Variants in CASP6 observed in about 807,000 individuals in gnomAD.
CASP6 encodes caspase-6.
CASP6 carries 20 observed loss-of-function variants against 31.8 expected under a neutral mutation model. The ratio of observed to expected loss-of-function variants is 0.63; its 90% CI spans 0.44 to 0.91. The LOEUF is 0.91. Among genes scored for constraint, CASP6 ranks in the 40% least tolerant of loss-of-function variants. CASP6 has a pLI of 0.00. For missense variants in CASP6, 328 were observed against 361.1 expected, an observed-to-expected ratio of 0.91 and a Z score of 0.74; for synonymous variants, 130 against 127.8, an observed-to-expected ratio of 1.02 and a Z score of -0.12.
chr4:109,698,211 C>G (rs1473356989), intron 2 of CASP6, 89 bp downstream of exon 2: 1 of 1,392,326 alleles, frequency 7.2e-7, no homozygotes, highest in African/African-American at 1.5e-5. Context: ...TACTTCCTAG[C>G]TCCCAGGACC....
At chr4:109,695,850 A>T (rs1192728082) in intron 4 of CASP6, among the ~76,000 whole-genome samples, 22 of 152,202 alleles carry the variant, frequency 1.4e-4, no homozygotes, top group Admixed American at 1.4e-3. Context: ...AAAGTAGAAA[A>T]GCTGGTAAAA....
At chr4:109,684,394 T>G, downstream of CASP6, 1 of 1,443,330 alleles carries the variant, frequency 6.9e-7, no homozygotes, top group South Asian at 1.3e-5. Context: ...TTTGTCCCTT[T>G]AGTTGGTGTA....
chr4:109,691,813 T>C (rs758715498), intron 5 of CASP6, among the ~76,000 whole-genome samples: 56 of 152,014 alleles, frequency 3.7e-4, no homozygotes, highest in Admixed American at 3.5e-3. Flanking sequence ...TAAGAAGAAA[T>C]TGGGACACAG....
upstream of CASP6, among the ~76,000 whole-genome samples, chr4:109,707,185 A>T (rs1224141101): frequency 6.6e-6 from 1 of 152,294 alleles, no homozygotes; most frequent in Non-Finnish European, 1.5e-5. Flanking sequence ...GAAACCAGAA[A>T]ATTTGTGTGA....
chr4:109,709,740 G>T, the CASP6 span, among the ~76,000 whole-genome samples: 1 of 152,156 alleles, frequency 6.6e-6, no homozygotes, highest in Non-Finnish European at 1.5e-5. Context: ...TAAGTTCAGA[G>T]ATAATTCTAC....
the CASP6 span, among the ~76,000 whole-genome samples, chr4:109,677,036 C>T: frequency 6.6e-6 from 1 of 152,206 alleles, no homozygotes; most frequent in Non-Finnish European, 1.5e-5. Flanking sequence ...TGGGCTGAGC[C>T]CAGCAAAGCC....
upstream of CASP6, among the ~76,000 whole-genome samples, chr4:109,706,821 T>C (rs1412890266): frequency 1.3e-5 from 2 of 152,122 alleles, no homozygotes; most frequent in Non-Finnish European, 1.5e-5. Context: ...GGCACAAGAA[T>C]CACTTGAACC....
chr4:109,685,256 T>C, downstream of CASP6: 1 of 1,310,676 alleles, frequency 7.6e-7, no homozygotes, highest in Non-Finnish European at 1.1e-6. Flanking sequence ...TTAAGGATTA[T>C]ACTTACTCAG....
chr4:109,679,965 C>G, the CASP6 span, among the ~76,000 whole-genome samples: 2 of 152,098 alleles, frequency 1.3e-5, no homozygotes, highest in Non-Finnish European at 2.9e-5. Flanking sequence ...CCATGCCCAG[C>G]TGATTTTTGT....
At chr4:109,664,480 A>G in the CASP6 span, 2 of 619,450 alleles carry the variant, frequency 3.2e-6, no homozygotes, top group Non-Finnish European at 5.7e-6. Context: ...GCTGGAGTAC[A>G]GTGACGTCGT....
the CASP6 span, among the ~76,000 whole-genome samples, chr4:109,670,609 G>A: frequency 6.6e-6 from 1 of 151,848 alleles, no homozygotes; most frequent in Non-Finnish European, 1.5e-5. Flanking sequence ...ACAGGTACTC[G>A]GGAGGCTGAG....
In CASP6 at chr4:109,688,704, T is replaced by G. The variant is rs967523291; in HGVS notation, c.*626A>C. The G allele has an allele frequency of 6.6e-6, 1 of 152,132 alleles. No homozygotes were observed. 9.4% of individuals were successfully genotyped at this position (152,132 alleles called of 1,614,324 possible). A position where few individuals can be genotyped will look rare whatever the true frequency, so the allele number is the denominator to read the frequency against. On this transcript the variant is annotated 3_prime_UTR_variant, in exon 7 of 7. Coordinates refer to ENST00000265164, the MANE Select transcript of CASP6 (RefSeq NM_001226.4). ...CCTTTAAAAACATCAAACAATAAAC[T>G]TTTATAAAAAAGTGACAAAATACAA...
chr4:109,707,774 A>C (rs1730649537), upstream of CASP6, among the ~76,000 whole-genome samples: 1 of 152,186 alleles, frequency 6.6e-6, no homozygotes, highest in Non-Finnish European at 1.5e-5. Context: ...GGGTCTCTAG[A>C]TAATGGTGTT....
At chr4:109,697,502 A>AC (rs1730282411) in intron 3 of CASP6, 120 bp downstream of exon 3, 1 of 1,131,386 alleles carries the variant, frequency 8.8e-7, no homozygotes, top group Non-Finnish European at 1.2e-6. Context: ...CCTTGCCTTA[A>AC]GTGATCCTCC....
At chr4:109,694,181 A>C (rs1730165675) in intron 5 of CASP6, among the ~76,000 whole-genome samples, 1 of 152,140 alleles carries the variant, frequency 6.6e-6, no homozygotes, top group Non-Finnish European at 1.5e-5. Context: ...CCTCCCAAAG[A>C]AGCAAACCTA....
the CASP6 span, among the ~76,000 whole-genome samples, chr4:109,678,956 GCTC>G: frequency 6.9e-6 from 1 of 145,260 alleles, no homozygotes; most frequent in African/African-American, 2.6e-5. Flanking sequence ...GGGCAGAGGC[GCTC>G]CTCACTTCCC....
intron 1 of CASP6, 115 bp downstream of exon 1, chr4:109,703,241 G>A: frequency 1.6e-6 from 2 of 1,248,852 alleles, no homozygotes; most frequent in Non-Finnish European, 2.2e-6. Flanking sequence ...CTGCAAAGCC[G>A]AAGGAACCCG....
chr4:109,683,133 C>T, the CASP6 span: 1 of 153,950 alleles, frequency 6.5e-6, no homozygotes, highest in Non-Finnish European at 1.4e-5. Flanking sequence ...CCTGCTGTGC[C>T]TAACAGAATT....
chr4:109,670,715 T>A, the CASP6 span, among the ~76,000 whole-genome samples: 1 of 147,500 alleles, frequency 6.8e-6, no homozygotes, highest in African/African-American at 2.6e-5. Flanking sequence ...GGAGACTCTG[T>A]CTCCAAAAAA....
Sources: allele counts gnomAD v4.1 joint callset (sites outside exome capture counted in the v4.1 genomes callset), GRCh38; gene constraint gnomAD v4.1.1; transcripts MANE v1.5; gene names NCBI Gene and HGNC (gene_info 2026-07-23, HGNC 2026-07-21).